FBXL7: variants seen among roughly 807,000 people sequenced by gnomAD.
FBXL7 encodes F-box/LRR-repeat protein 7.
FBXL7 carries 12 observed loss-of-function variants against 38.3 expected under a neutral mutation model. That is an observed-to-expected ratio of 0.31 (90% CI 0.20 to 0.51). FBXL7 has a LOEUF of 0.51. FBXL7 is among the 20% of genes least tolerant of loss of function. The pLI, the probability that FBXL7 is intolerant of heterozygous loss-of-function variation, is 0.98. For synonymous variants in FBXL7, 297 were observed against 300.9 expected (o/e 0.99, Z 0.13); for missense variants, 567 against 676.4 (o/e 0.84, Z 1.79).
intron 2 of FBXL7, among the ~76,000 whole-genome samples, chr5:15,722,023 CGG>C (rs1191109274): frequency 1.3e-5 from 2 of 152,018 alleles, no homozygotes; most frequent in African/African-American, 4.8e-5. Context: ...GTAGTAGAGA[CGG>C]GGTTTCATCA....
Position 15,939,175 on chromosome 5 carries a change from T to C in FBXL7, c.*1989T>C, listed in dbSNP as rs1418674295. On this transcript the variant is annotated 3_prime_UTR_variant, in exon 4 of 4. Transcript: ENST00000504595. ...CAACATCATCAAATTACATGTGTAA[T>C]CAAGGCTCTGTGCCATGGGGGAAAT... The C allele has an allele frequency of 2.5e-6, 1 of 397,690 alleles. No homozygotes were observed. The highest frequency in any genetic ancestry group is 2.1e-5 in the African/African-American group (1 of 48,566). 24.6% of individuals were successfully genotyped at this position (397,690 alleles called of 1,614,324 possible).
chr5:15,552,546 C>T (rs1441352618), intron 1 of FBXL7, among the ~76,000 whole-genome samples: 3 of 152,272 alleles, frequency 2.0e-5, no homozygotes, highest in African/African-American at 7.2e-5. Context: ...CATCCTGGCC[C>T]TTTCAGAGAC....
At chr5:15,912,977 G>A (rs1561185524) in intron 2 of FBXL7, among the ~76,000 whole-genome samples, 1 of 152,164 alleles carries the variant, frequency 6.6e-6, no homozygotes, top group Non-Finnish European at 1.5e-5. Context: ...CCTTAGCAGA[G>A]AAATTAAACA....
rs148327328 is a variant in FBXL7, at chr5:15,654,648, C to A, written c.127+38576C>A. 3.2e-3 allele frequency among the ~76,000 whole-genome samples: 493 copies of A among 152,188 alleles called. 2 individuals carry two copies. The highest frequency in any genetic ancestry group is 0.011 in the African/African-American group (468 of 41,532). ...TCTAACTATTCCCTAAAGCTTTAAT[C>A]TCTGAAACAGAGAAACTTCCTGATT... is the stretch of plus-strand genomic sequence containing the variant. On this transcript the variant is annotated intron_variant, in intron 2 of 3. Transcript: ENST00000504595.
intron 1 of FBXL7, among the ~76,000 whole-genome samples, chr5:15,606,052 A>C (rs1168386964): frequency 6.6e-6 from 1 of 152,194 alleles, no homozygotes; most frequent in Non-Finnish European, 1.5e-5. Context: ...TTACAAAAAG[A>C]AGAGGCTGAT....
Position 15,725,784 on chromosome 5 carries a change from C to T in FBXL7, c.127+109712C>T, listed in dbSNP as rs541796674. 3.6e-3 allele frequency among the ~76,000 whole-genome samples: 548 copies of T among 152,232 alleles called. 1 individual carries two copies. Among genetic ancestry groups the T allele is most frequent in the African/African-American group, 0.01 (430 of 41,548 alleles). ...CCAAGTAGCTGGGATTACAGGTGCT[C>T]ACCACCACAGCCGGCTAATTTTTTT... On this transcript the variant is annotated intron_variant, in intron 2 of 3. Transcript: ENST00000504595.
At chr5:15,752,044 G>A (rs1016834362) in intron 2 of FBXL7, among the ~76,000 whole-genome samples, 5 of 152,168 alleles carry the variant, frequency 3.3e-5, no homozygotes, top group Admixed American at 6.5e-5. Context: ...TGAAGACCTT[G>A]AGTTTATTTC....
intron 2 of FBXL7, among the ~76,000 whole-genome samples, chr5:15,794,839 G>A (rs991906769): frequency 8.5e-5 from 13 of 152,060 alleles, no homozygotes; most frequent in African/African-American, 1.2e-4. Flanking sequence ...GAGGGGAGAG[G>A]CGAAAAAAAC....
chr5:15,871,363 T>A (rs970856638), intron 2 of FBXL7, among the ~76,000 whole-genome samples: 1 of 152,142 alleles, frequency 6.6e-6, no homozygotes, highest in Non-Finnish European at 1.5e-5. Context: ...ACAAAAAGGC[T>A]GAAAATTCCA....
In FBXL7 at chr5:15,568,912, T is replaced by A. The variant is rs553089581; in HGVS notation, c.38-47071T>A. 3.1e-3 allele frequency among the ~76,000 whole-genome samples: 474 copies of A among 152,300 alleles called. 5 individuals carry two copies. Among genetic ancestry groups the A allele is most frequent in the African/African-American group, 0.01 (429 of 41,558 alleles). ...ATCAGATGGTTGTTGATATGTGGCA[T>A]TATTTCTGAGGGCTCTGTTCTGTTC... On this transcript the variant is annotated intron_variant, in intron 1 of 3. Coordinates refer to ENST00000504595, the MANE Select transcript of FBXL7 (RefSeq NM_012304.5).
intron 2 of FBXL7, among the ~76,000 whole-genome samples, chr5:15,904,437 C>T (rs1741307066): frequency 6.6e-6 from 1 of 152,038 alleles, no homozygotes; most frequent in Admixed American, 6.6e-5. Context: ...AGCAGAGATT[C>T]CTTGCTATGA....
At chr5:15,573,503 A>G (rs940806069) in intron 1 of FBXL7, among the ~76,000 whole-genome samples, 2 of 152,196 alleles carry the variant, frequency 1.3e-5, no homozygotes. Context: ...AGCTATAACA[A>G]GTCTTTTTAA....
intron 2 of FBXL7, among the ~76,000 whole-genome samples, chr5:15,663,203 A>G (rs1351383954): frequency 6.6e-6 from 1 of 152,170 alleles, no homozygotes; most frequent in East Asian, 1.9e-4. Flanking sequence ...TTCTCATTGT[A>G]GAGATCTTTC....
At chr5:15,874,532 C>T (rs2126305422) in intron 2 of FBXL7, among the ~76,000 whole-genome samples, 1 of 152,276 alleles carries the variant, frequency 6.6e-6, no homozygotes, top group South Asian at 2.1e-4. Flanking sequence ...CATCTCAGCC[C>T]AGAAACTCCT....
At chr5:15,676,969 GT>G (rs1187001243) in intron 2 of FBXL7, among the ~76,000 whole-genome samples, 2 of 152,180 alleles carry the variant, frequency 1.3e-5, no homozygotes, top group Non-Finnish European at 2.9e-5. Context: ...ATTAAATATG[GT>G]TCTCAACTTT....
intron 2 of FBXL7, among the ~76,000 whole-genome samples, chr5:15,730,342 G>A (rs535763497): frequency 2.4e-4 from 37 of 152,012 alleles, no homozygotes; most frequent in East Asian, 1.2e-3. Flanking sequence ...TGCCGCCCAC[G>A]TATAATAATT....
chr5:15,572,236 G>A (rs1738812541), intron 1 of FBXL7, among the ~76,000 whole-genome samples: 1 of 151,990 alleles, frequency 6.6e-6, no homozygotes, highest in Admixed American at 6.6e-5. Flanking sequence ...AATGATACTT[G>A]CTCTAGAAAA....
chr5:15,773,511 G>A (rs1010723090), intron 2 of FBXL7, among the ~76,000 whole-genome samples: 2 of 151,792 alleles, frequency 1.3e-5, no homozygotes, highest in Admixed American at 1.3e-4. Flanking sequence ...TCTAGTCATG[G>A]TGTTGTGTGC....
At chr5:15,726,108 A>G (rs6898184) in intron 2 of FBXL7, among the ~76,000 whole-genome samples, 83,852 of 152,010 alleles carry the variant, frequency 0.55, 23,274 homozygotes, top group East Asian at 0.68. Flanking sequence ...AATTTTTCAT[A>G]TGTAATGTCC....
Sources: allele counts gnomAD v4.1 joint callset (sites outside exome capture counted in the v4.1 genomes callset), GRCh38; gene constraint gnomAD v4.1.1; transcripts MANE v1.5; gene names NCBI Gene and HGNC (gene_info 2026-07-23, HGNC 2026-07-21).